The following PKNOX2 variants were observed in gnomAD, a reference collection of about 807,000 sequenced individuals.
PKNOX2 encodes the protein PBX/knotted 1 homeobox 2, also known as homeobox protein PKNOX2.
Under a neutral mutation model 53.1 loss-of-function variants are expected in PKNOX2, and 14 were observed. The observed-to-expected ratio is 0.26, with a 90% CI of 0.17 to 0.41. PKNOX2 has a LOEUF of 0.41. Ranked by LOEUF, PKNOX2 falls within the 10% of genes least tolerant of loss-of-function variation. The pLI is 1.00. For synonymous variants in PKNOX2, 257 were observed against 242.8 expected, an observed-to-expected ratio of 1.06 and a Z score of -0.54; for missense variants, 496 against 602.8, an observed-to-expected ratio of 0.82 and a Z score of 1.85.
Position 125,328,330 on chromosome 11 carries a change from C to T in PKNOX2, c.-129-3489C>T, listed in dbSNP as rs114172998. Among the ~76,000 whole-genome samples the T allele has an allele frequency of 2.3e-3, 340 of 148,702 alleles. 3 individuals carry two copies. Among genetic ancestry groups the T allele is most frequent in the African/African-American group, 8.1e-3 (324 of 40,056 alleles). On this transcript the variant is annotated intron_variant, in intron 2 of 12. Transcript: ENST00000298282. Reference sequence around the variant, plus strand: ...AAACACCTAGAAGACAGGGAGAGAGCGGGGGAGAGAGAGAGAAAGAGAGAG... The same window carrying T: ...AAACACCTAGAAGACAGGGAGAGAGTGGGGGAGAGAGAGAGAAAGAGAGAG...
intron 4 of PKNOX2, among the ~76,000 whole-genome samples, chr11:125,365,381 C>T (rs1481292272): frequency 6.6e-6 from 1 of 151,874 alleles, no homozygotes; most frequent in Non-Finnish European, 1.5e-5. Context: ...TTTTGACAGA[C>T]ACTTTTGATA....
At chr11:125,245,605 C>A (rs1943501236) in intron 2 of PKNOX2, among the ~76,000 whole-genome samples, 1 of 152,230 alleles carries the variant, frequency 6.6e-6, no homozygotes, top group Non-Finnish European at 1.5e-5. Context: ...CTGGTCCTAG[C>A]CTGCCCCCAT....
At chr11:125,425,548 C>T (rs139705997) in intron 10 of PKNOX2, among the ~76,000 whole-genome samples, 2,893 of 128,766 alleles carry the variant, frequency 0.022, 98 homozygotes, top group African/African-American at 0.076. Flanking sequence ...GATGGTTTGC[C>T]GTGATCCAAT....
At chr11:125,217,216 T>G (rs1940634536) in intron 1 of PKNOX2, among the ~76,000 whole-genome samples, 1 of 152,100 alleles carries the variant, frequency 6.6e-6, no homozygotes, top group African/African-American at 2.4e-5. Context: ...CTCTCCACTC[T>G]TCCATCCCCT....
chr11:125,198,877 G>A (rs2135391099), intron 1 of PKNOX2, among the ~76,000 whole-genome samples: 1 of 132,378 alleles, frequency 7.6e-6, no homozygotes, highest in Non-Finnish European at 1.6e-5. Flanking sequence ...TATCACTCTT[G>A]TTTCCTAGGC....
intron 2 of PKNOX2, among the ~76,000 whole-genome samples, chr11:125,310,480 G>A (rs1394400165): frequency 1.3e-5 from 2 of 151,424 alleles, no homozygotes; most frequent in Non-Finnish European, 1.5e-5. Context: ...GTGAGATAGA[G>A]TGAGACTCTG....
intron 7 of PKNOX2, among the ~76,000 whole-genome samples, chr11:125,405,650 G>A (rs549649085): frequency 1.8e-4 from 28 of 152,266 alleles, no homozygotes; most frequent in South Asian, 4.1e-4. Context: ...AGTGGCAGTC[G>A]CAGTTCCAGG....
At chr11:125,168,467 T>A (rs975624147) in intron 1 of PKNOX2, among the ~76,000 whole-genome samples, 19 of 152,350 alleles carry the variant, frequency 1.2e-4, no homozygotes, top group Non-Finnish European at 5.9e-5. Context: ...AAGTTAGTGA[T>A]GAAATAAGTA....
At chr11:125,417,004 T>C (rs551789327) in intron 10 of PKNOX2, among the ~76,000 whole-genome samples, 12 of 152,144 alleles carry the variant, frequency 7.9e-5, no homozygotes, top group African/African-American at 2.9e-4. Context: ...TGGGATCGTT[T>C]CATACGTTAG....
At chr11:125,410,952 A>G in intron 9 of PKNOX2, 76 bp downstream of exon 9, 2 of 1,218,278 alleles carry the variant, frequency 1.6e-6, no homozygotes, top group Non-Finnish European at 2.4e-6. Flanking sequence ...TCTGCCAGGC[A>G]CTTTACACGG....
chr11:125,382,276 C>T (rs1953294061), intron 5 of PKNOX2, among the ~76,000 whole-genome samples: 1 of 152,240 alleles, frequency 6.6e-6, no homozygotes, highest in Non-Finnish European at 1.5e-5. Context: ...CACTTGTTCT[C>T]ATTGACAGCC....
At chr11:125,308,565 G>T (rs899689033) in intron 2 of PKNOX2, among the ~76,000 whole-genome samples, 2 of 152,182 alleles carry the variant, frequency 1.3e-5, no homozygotes, top group Non-Finnish European at 2.9e-5. Context: ...AGGAGATGGC[G>T]ACCTCCACAA....
At chr11:125,412,560 A>G (rs1955624222) in intron 10 of PKNOX2, among the ~76,000 whole-genome samples, 1 of 152,150 alleles carries the variant, frequency 6.6e-6, no homozygotes, top group Non-Finnish European at 1.5e-5. Flanking sequence ...AAGACTTCAA[A>G]ATTGCAATCT....
chr11:125,378,584 G>A (rs1005306697), intron 5 of PKNOX2, among the ~76,000 whole-genome samples: 9 of 152,256 alleles, frequency 5.9e-5, no homozygotes, highest in Non-Finnish European at 1.0e-4. Flanking sequence ...GGAAGGAGCC[G>A]GGGGGCTCCA....
At chr11:125,318,732 C>T (rs1036233545) in intron 2 of PKNOX2, among the ~76,000 whole-genome samples, 5 of 152,170 alleles carry the variant, frequency 3.3e-5, no homozygotes, top group African/African-American at 1.2e-4. Context: ...TGTCCCTACC[C>T]AAATCTCATT....
chr11:125,264,925 G>A (rs1321537288), intron 2 of PKNOX2, among the ~76,000 whole-genome samples: 2 of 152,152 alleles, frequency 1.3e-5, no homozygotes, highest in African/African-American at 4.8e-5. Context: ...TGGGCTCTGG[G>A]GGCGTAAAGA....
At chr11:125,170,109 C>G (rs1955168190) in intron 1 of PKNOX2, among the ~76,000 whole-genome samples, 1 of 152,166 alleles carries the variant, frequency 6.6e-6, no homozygotes, top group Non-Finnish European at 1.5e-5. Context: ...TGGTCTGCAG[C>G]TAGCCACGGC....
intron 5 of PKNOX2, among the ~76,000 whole-genome samples, chr11:125,380,618 G>A (rs1216024909): frequency 1.3e-5 from 2 of 152,226 alleles, no homozygotes; most frequent in African/African-American, 4.8e-5. Context: ...TGGACCCACA[G>A]TGGAAGATAT....
intron 1 of PKNOX2, among the ~76,000 whole-genome samples, chr11:125,200,536 C>T (rs1242769027): frequency 2.0e-5 from 3 of 152,182 alleles, no homozygotes; most frequent in Non-Finnish European, 4.4e-5. Context: ...CATGCCGCCC[C>T]CTGAGCCCAA....
Sources: gnomAD v4.1 joint callset for allele counts (sites outside exome capture counted in the v4.1 genomes callset) on GRCh38, gnomAD v4.1.1 for gene constraint, MANE v1.5 for transcripts, NCBI Gene and HGNC (gene_info 2026-07-23, HGNC 2026-07-21) for gene names.